Variants in KCNQ1 observed in about 807,000 individuals in gnomAD.
KCNQ1 encodes potassium voltage-gated channel subfamily Q member 1.
In KCNQ1, 49 loss-of-function variants were observed where a neutral mutation model predicts 72.4. That is an observed-to-expected ratio of 0.68 (90% CI 0.54 to 0.86). KCNQ1 has a LOEUF of 0.86. KCNQ1 is among the 40% of genes least tolerant of loss of function. The pLI is 0.00. For missense variants in KCNQ1, 790 were observed against 945.1 expected, an observed-to-expected ratio of 0.84 and a Z score of 2.15; for synonymous variants, 450 against 412.6, an observed-to-expected ratio of 1.09 and a Z score of -1.10.
intron 12 of KCNQ1, among the ~76,000 whole-genome samples, chr11:2,775,673 G>C (rs1204933105): frequency 6.6e-6 from 1 of 152,324 alleles, no homozygotes; most frequent in East Asian, 1.9e-4. Context: ...GGGGTGGTGG[G>C]GGGTGGAAGG....
chr11:2,727,558 C>T (rs1273832197), intron 11 of KCNQ1, among the ~76,000 whole-genome samples: 1 of 152,126 alleles, frequency 6.6e-6, no homozygotes, highest in Non-Finnish European at 1.5e-5. Context: ...CACAACTGGC[C>T]CCAGCAGCTC....
intron 15 of KCNQ1, among the ~76,000 whole-genome samples, chr11:2,820,793 C>T (rs914854166): frequency 5.9e-5 from 9 of 152,166 alleles, no homozygotes; most frequent in Non-Finnish European, 1.0e-4. Context: ...GCGTGGCTTC[C>T]GCCTCCCTTC....
Position 2,623,503 on chromosome 11 carries a change from A to G in KCNQ1, c.1393+34649A>G. The stretch of plus-strand genomic sequence containing the variant: ...AGCATTGCCTTTTCTAAAATGCAAT[A>G]TGATTGGAATCATACAGTATGTAGT... On this transcript the variant is annotated intron_variant, in intron 10 of 15. Transcript: ENST00000155840. This position sits in a 1 kb window ranked among gnomAD's most constrained non-coding sequence, Gnocchi z 5.2. The G allele has an allele frequency of 2.5e-6, 1 of 398,612 alleles. No individual in the cohort carries two copies. 24.7% of individuals were successfully genotyped at this position (398,612 alleles called of 1,614,324 possible).
intron 15 of KCNQ1, among the ~76,000 whole-genome samples, chr11:2,811,331 T>A (rs1452006011): frequency 6.6e-6 from 1 of 152,204 alleles, no homozygotes; most frequent in East Asian, 1.9e-4. Context: ...TGGGGAATCA[T>A]CTCTGCAAAC....
chr11:2,572,580 C>A (rs1363476824), intron 5 of KCNQ1, among the ~76,000 whole-genome samples: 1 of 152,224 alleles, frequency 6.6e-6, no homozygotes, highest in African/African-American at 2.4e-5. Context: ...GGAAAGAGAG[C>A]TGGGCAATCA....
rs945440236 is a variant in KCNQ1, at chr11:2,497,284, C to T, written c.387-30644C>T. ...TTTTCCAACTTGGTTCCATTCTCCC[C>T]GTCACTTTCAGGTACAGCAATCAAT... On this transcript the variant is annotated intron_variant, in intron 1 of 15. Transcript: ENST00000155840. The surrounding 1 kb of genome is among the most constrained non-coding windows in gnomAD (Gnocchi z 4.5). 1.1e-4 allele frequency among the ~76,000 whole-genome samples: 17 copies of T among 152,154 alleles called. No homozygotes were observed. Among genetic ancestry groups the T allele is most frequent in the East Asian group, 3.9e-4 (2 of 5,194 alleles).
chr11:2,465,186 G>A (rs1380631999), intron 1 of KCNQ1, among the ~76,000 whole-genome samples: 3 of 152,034 alleles, frequency 2.0e-5, no homozygotes, highest in Admixed American at 6.6e-5. Flanking sequence ...TTGAAGCAGG[G>A]TCTCACTCTG....
chr11:2,776,836 C>T, intron 13 of KCNQ1, 150 bp from the exon 14 acceptor site: 1 of 768,920 alleles, frequency 1.3e-6, no homozygotes, highest in Non-Finnish European at 2.3e-6. Flanking sequence ...TGGGAGTGAC[C>T]TGGCAGGCCT....
In KCNQ1 at chr11:2,671,922, C is replaced by T. The variant is rs1416520205; in HGVS notation, c.1514+9841C>T. ...CAGCCTGTGGGCCCCGCTATGCTTC[C>T]TCAGGCAGCTAGTCTCTGTATCTGG... On this transcript the variant is annotated intron_variant, in intron 11 of 15. Transcript: ENST00000155840. This position sits in a 1 kb window ranked among gnomAD's most constrained non-coding sequence, Gnocchi z 4.7. The T allele has an allele frequency of 1.3e-5, 5 of 398,588 alleles. No individual in the cohort carries two copies. The highest frequency in any genetic ancestry group is 2.1e-5 in the African/African-American group (1 of 48,622). The allele number at this position is 398,588 out of a possible 1,614,324, so 24.7% of individuals were successfully genotyped here.
At position 2,750,491 on chromosome 11, in the gene KCNQ1, C is replaced by T. The variant is rs951537543; in HGVS notation, c.1515-18353C>T. ...CTCCCAGGGTCTGTGTGGAATCCAC[C>T]GGTTTCACCCCACGTCTTTTCCTCT... On this transcript the variant is annotated intron_variant, in intron 11 of 15. Transcript: ENST00000155840. This position sits in a 1 kb window ranked among gnomAD's most constrained non-coding sequence, Gnocchi z 6.3. Among the ~76,000 whole-genome samples the T allele has an allele frequency of 9.2e-5, 14 of 152,168 alleles. No individual in the cohort carries two copies. Among genetic ancestry groups the T allele is most frequent in the Admixed American group, 2.6e-4 (4 of 15,284 alleles).
intron 11 of KCNQ1, among the ~76,000 whole-genome samples, chr11:2,738,111 G>A (rs1393439012): frequency 6.6e-6 from 1 of 152,154 alleles, no homozygotes; most frequent in Non-Finnish European, 1.5e-5. Flanking sequence ...GGCAGGAAAT[G>A]GAGAAGATGA....
rs1590009400 is a variant in KCNQ1, at chr11:2,654,556, G to A, written c.1394-7405G>A. 1 of 398,688 alleles carries A rather than the reference G, an allele frequency of 2.5e-6. No individual in the cohort carries two copies. Among genetic ancestry groups the A allele is most frequent in the Non-Finnish European group, 4.4e-6 (1 of 226,154 alleles). The allele number at this position is 398,688 out of a possible 1,614,324, so 24.7% of individuals were successfully genotyped here. On this transcript the variant is annotated intron_variant, in intron 10 of 15. Transcript: ENST00000155840. This position sits in a 1 kb window ranked among gnomAD's most constrained non-coding sequence, Gnocchi z 6.4. ...GCTTGGGTTACACCTGGGAGATTAG[G>A]CCGGATTTTAATCAATCAGGAGGGG...
In KCNQ1 at chr11:2,663,612, C is replaced by T. The variant is rs906595856; in HGVS notation, c.1514+1531C>T. 32 of 398,570 alleles carry T rather than the reference C, an allele frequency of 8.0e-5. No individual in the cohort carries two copies. Among genetic ancestry groups the T allele is most frequent in the African/African-American group, 1.4e-4 (7 of 48,622 alleles). The allele number at this position is 398,570 out of a possible 1,614,324, so 24.7% of individuals were successfully genotyped here. ...TCGCTCACCTTGGTTCTCTTGGTCA[C>T]GGACCAGCATCCAGACATGCAAAAA... is the stretch of plus-strand genomic sequence containing the variant. On this transcript the variant is annotated intron_variant, in intron 11 of 15. Transcript: ENST00000155840. This position sits in a 1 kb window ranked among gnomAD's most constrained non-coding sequence, Gnocchi z 5.2.
intron 15 of KCNQ1, among the ~76,000 whole-genome samples, chr11:2,800,269 G>C (rs1055006339): frequency 6.6e-6 from 1 of 152,238 alleles, no homozygotes; most frequent in Admixed American, 6.5e-5. Context: ...GAGGGACAGA[G>C]GCCTCCCCCA....
At position 2,532,367 on chromosome 11, in the gene KCNQ1, CCT is replaced by C. The variant is rs1847654258; in HGVS notation, c.477+4350_477+4351del. 4.6e-5 allele frequency among the ~76,000 whole-genome samples: 7 copies of C among 152,356 alleles called. 1 individual carries two copies. In the South Asian group the frequency reaches 1.5e-3, roughly 32 times the overall value. Reference sequence around the variant, plus strand: ...GTATGTGCTCCCGGCTTCAGCTGCCCCTGCGTGATGGAGACACCCTCCCACTC... The same window carrying C: ...GTATGTGCTCCCGGCTTCAGCTGCCCGCGTGATGGAGACACCCTCCCACTC... On this transcript the variant is annotated intron_variant, in intron 2 of 15. Transcript: ENST00000155840.
In KCNQ1 at chr11:2,447,056, A is replaced by G. The variant is rs1312962935; in HGVS notation, c.386+1572A>G. 6.6e-6 allele frequency among the ~76,000 whole-genome samples: 1 copy of G among 151,682 alleles called. No homozygotes were observed. Among genetic ancestry groups the G allele is most frequent in the Admixed American group, 6.6e-5 (1 of 15,228 alleles). On this transcript the variant is annotated intron_variant, in intron 1 of 15. Coordinates refer to ENST00000155840, the MANE Select transcript of KCNQ1 (RefSeq NM_000218.3). This position sits in a 1 kb window ranked among gnomAD's most constrained non-coding sequence, Gnocchi z 7.6. ...AGAGGCCAAGGCAAAGTGCCCGCAG[A>G]CCCCCTCAATTCTCACTTGTATTCA...
At chr11:2,503,036 A>G (rs1380538265) in intron 1 of KCNQ1, among the ~76,000 whole-genome samples, 1 of 152,214 alleles carries the variant, frequency 6.6e-6, no homozygotes, top group Non-Finnish European at 1.5e-5. Context: ...AAAACAAATC[A>G]AAGTGAATTC....
At chr11:2,672,730 A>C in intron 11 of KCNQ1, 1 of 398,866 alleles carries the variant, frequency 2.5e-6, no homozygotes. Flanking sequence ...TCCAGACTCC[A>C]AGTTCTATGC....
intron 11 of KCNQ1, among the ~76,000 whole-genome samples, chr11:2,716,910 C>T (rs1478670709): frequency 3.9e-5 from 6 of 152,238 alleles, no homozygotes; most frequent in African/African-American, 1.2e-4. Flanking sequence ...TGGCCCAAGG[C>T]CAGGCCTGCA....
Sources: gnomAD v4.1 joint callset for allele counts (sites outside exome capture counted in the v4.1 genomes callset) on GRCh38, gnomAD v4.1.1 for gene constraint, Gnocchi (gnomAD v3.1) non-coding constraint, MANE v1.5 for transcripts, NCBI Gene and HGNC (gene_info 2026-07-23, HGNC 2026-07-21) for gene names.